Variants in CMIP observed in about 807,000 individuals in gnomAD.
CMIP encodes the protein c-Maf inducing protein, also known as C-Maf-inducing protein.
A neutral mutation model predicts 97.3 loss-of-function variants in CMIP; 13 were observed. The ratio of observed to expected loss-of-function variants is 0.13; its 90% confidence interval spans 0.09 to 0.21. CMIP has a LOEUF of 0.21. CMIP is among the 10% of genes least tolerant of loss of function. The probability of loss-of-function intolerance (pLI) is 1.00; values close to 1 mark genes in which losing one functional copy is unlikely to be tolerated. For synonymous variants in CMIP, 538 were observed against 436.3 expected (o/e 1.23, Z -2.91); for missense variants, 847 against 1,024.9 (o/e 0.83, Z 2.37).
chr16:81,566,383 G>C (rs78104266), intron 1 of CMIP, among the ~76,000 whole-genome samples: 4,599 of 152,322 alleles, frequency 0.03, 94 homozygotes, highest in Middle Eastern at 0.11. Context: ...CACTGCTGCT[G>C]TTCCTTCCTT....
chr16:81,669,123 C>T lies in CMIP; in HGVS notation c.826-1019C>T, dbSNP rs1315659841. Among the ~76,000 whole-genome samples the T allele has an allele frequency of 2.4e-3, 317 of 130,382 alleles. 8 individuals are homozygous for T. The highest frequency in any genetic ancestry group is 8.3e-3 in the African/African-American group (282 of 34,078). 85.5% of individuals were successfully genotyped at this position (130,382 alleles called of 152,430 possible). A position where few individuals can be genotyped will look rare whatever the true frequency, so the allele number is the denominator to read the frequency against. ...CCTCCACACCCACCTCTCACACTCA[C>T]CTCCTTCCACACCCACTTCATACCT... On this transcript the variant is annotated intron_variant, in intron 7 of 20. Coordinates refer to ENST00000537098, the MANE Select transcript of CMIP (RefSeq NM_198390.3).
intron 15 of CMIP, among the ~76,000 whole-genome samples, chr16:81,700,027 C>T (rs555957966): frequency 2.4e-4 from 36 of 152,244 alleles, no homozygotes; most frequent in African/African-American, 7.7e-4. Flanking sequence ...GGGTTGGGGA[C>T]GCTTCTGTTC....
At chr16:81,515,317 G>A (rs144044621) in intron 1 of CMIP, among the ~76,000 whole-genome samples, 2 of 152,328 alleles carry the variant, frequency 1.3e-5, no homozygotes, top group East Asian at 1.9e-4. Flanking sequence ...TTGGCCTTCT[G>A]ATTCTCATCC....
chr16:81,615,370 CTGTA>C (rs561336855), intron 2 of CMIP, among the ~76,000 whole-genome samples: 56 of 127,144 alleles, frequency 4.4e-4, no homozygotes, highest in East Asian at 1.3e-3. Flanking sequence ...GCATGTGTAA[CTGTA>C]TGGTGTGTGT....
At chr16:81,663,652 G>A (rs115742316) in intron 6 of CMIP, among the ~76,000 whole-genome samples, 264 of 152,328 alleles carry the variant, frequency 1.7e-3, no homozygotes, top group African/African-American at 5.7e-3. Context: ...TGATGTGTCA[G>A]TGTGGGGTTC....
intron 1 of CMIP, among the ~76,000 whole-genome samples, chr16:81,576,296 C>T (rs760325150): frequency 9.2e-5 from 14 of 151,958 alleles, no homozygotes; most frequent in Admixed American, 5.2e-4. Flanking sequence ...CCTAGCTACT[C>T]GGGAGGCTGA....
At chr16:81,499,528 C>T (rs1371658738) in intron 1 of CMIP, among the ~76,000 whole-genome samples, 1 of 152,242 alleles carries the variant, frequency 6.6e-6, no homozygotes, top group Non-Finnish European at 1.5e-5. Flanking sequence ...TGTCTCCTCA[C>T]CTTAGCATCC....
chr16:81,628,035 A>G (rs1288004140), intron 3 of CMIP, among the ~76,000 whole-genome samples: 2 of 152,062 alleles, frequency 1.3e-5, no homozygotes, highest in African/African-American at 4.8e-5. Flanking sequence ...GGCCCAGGGG[A>G]CCAGGTCAGA....
At chr16:81,493,039 G>A (rs2089429826) in intron 1 of CMIP, among the ~76,000 whole-genome samples, 1 of 152,188 alleles carries the variant, frequency 6.6e-6, no homozygotes, top group South Asian at 2.1e-4. Context: ...CCAGAATGCA[G>A]GGAGGAGCCG....
intron 3 of CMIP, chr16:81,631,388 C>G (rs1187447057): frequency 1.3e-5 from 2 of 152,238 alleles, no homozygotes; most frequent in African/African-American, 2.4e-5. Flanking sequence ...CTTTGCCCAG[C>G]TGGAGCTATC....
chr16:81,692,549 C>T (rs1237331227), intron 11 of CMIP, among the ~76,000 whole-genome samples: 4 of 152,216 alleles, frequency 2.6e-5, no homozygotes, highest in Non-Finnish European at 4.4e-5. Context: ...GATTACCAAG[C>T]GTGTTTAGGA....
intron 1 of CMIP, among the ~76,000 whole-genome samples, chr16:81,554,379 A>G (rs1401367121): frequency 6.6e-6 from 1 of 152,162 alleles, no homozygotes; most frequent in East Asian, 1.9e-4. Flanking sequence ...TGCTTCAGAG[A>G]GTTGGGCAGG....
chr16:81,680,450 G>A (rs1904760117), intron 10 of CMIP, among the ~76,000 whole-genome samples: 1 of 152,214 alleles, frequency 6.6e-6, no homozygotes, highest in Non-Finnish European at 1.5e-5. Flanking sequence ...GGCTGCTGCT[G>A]GTTTGAAGGA....
At chr16:81,486,295 G>C (rs1266468419) in intron 1 of CMIP, among the ~76,000 whole-genome samples, 1 of 151,826 alleles carries the variant, frequency 6.6e-6, no homozygotes, top group Non-Finnish European at 1.5e-5. Context: ...TGCGCACTCT[G>C]TGTTCAGGGC....
intron 1 of CMIP, among the ~76,000 whole-genome samples, chr16:81,525,927 T>A (rs1270398846): frequency 6.6e-6 from 1 of 152,178 alleles, no homozygotes; most frequent in African/African-American, 2.4e-5. Flanking sequence ...TCACCCATAT[T>A]GTAGCATGTA....
At chr16:81,693,209 T>G (rs1382040440) in intron 12 of CMIP, 25 bp downstream of exon 12, 2 of 1,606,554 alleles carry the variant, frequency 1.2e-6, no homozygotes, top group South Asian at 2.2e-5. Context: ...ACCGCCCTCA[T>G]TCCATTCTGG....
At chr16:81,534,494 C>G (rs771845356) in intron 1 of CMIP, among the ~76,000 whole-genome samples, 21 of 151,762 alleles carry the variant, frequency 1.4e-4, no homozygotes, top group Non-Finnish European at 2.5e-4. Flanking sequence ...TTTCTAGTCT[C>G]TTGATTTTGT....
rs2091246160 is a variant in CMIP at position 81,578,805 on chromosome 16, CAT to C, written c.301-28761_301-28760del. On this transcript the variant is annotated intron_variant, in intron 1 of 20. Coordinates refer to ENST00000537098, the MANE Select transcript of CMIP (RefSeq NM_198390.3). ...TCCTGCACTGGCGTCGGAAAAGTTC[CAT>C]GGCAGATAAGCCCGTGCCATTGCAG... Among the ~76,000 whole-genome samples the C allele has an allele frequency of 2.0e-5, 3 of 152,254 alleles. No homozygotes were observed. The South Asian group carries it at 6.2e-4, about 32-fold the overall frequency.
chr16:81,486,852 A>G (rs868538816), intron 1 of CMIP, among the ~76,000 whole-genome samples: 1 of 152,226 alleles, frequency 6.6e-6, no homozygotes, highest in Non-Finnish European at 1.5e-5. Flanking sequence ...GTTCTTGGCC[A>G]TTTTCCCCTC....
Sources: allele counts gnomAD v4.1 joint callset (sites outside exome capture counted in the v4.1 genomes callset), GRCh38; gene constraint gnomAD v4.1.1; transcripts MANE v1.5; gene names NCBI Gene and HGNC (gene_info 2026-07-23, HGNC 2026-07-21).